The following C1QTNF3 variants were observed in gnomAD, a reference collection of about 807,000 sequenced individuals.
C1QTNF3 encodes the protein complement C1q tumor necrosis factor-related protein 3.
A neutral mutation model predicts 32.6 loss-of-function variants in C1QTNF3; 26 were observed. That is an observed-to-expected ratio of 0.80 (90% CI 0.58 to 1.11). The LOEUF (loss-of-function observed/expected upper bound fraction) is 1.11, where lower values mean the gene tolerates loss of function less well. Ranked by LOEUF, C1QTNF3 falls within the 50% of genes least tolerant of loss-of-function variation. The probability of loss-of-function intolerance (pLI) is 0.00; values close to 1 mark genes in which losing one functional copy is unlikely to be tolerated. For synonymous variants in C1QTNF3, 155 were observed against 146.0 expected (o/e 1.06, Z -0.44); for missense variants, 362 against 398.2 (o/e 0.91, Z 0.77).
chr5:34,074,873 T>C, the C1QTNF3 span, among the ~76,000 whole-genome samples: 1 of 151,662 alleles, frequency 6.6e-6, no homozygotes, highest in Non-Finnish European at 1.5e-5. Context: ...TAGCAAAGCA[T>C]AAATTATACA....
chr5:34,204,517 CTT>C, the C1QTNF3 span, among the ~76,000 whole-genome samples: 1 of 152,116 alleles, frequency 6.6e-6, no homozygotes, highest in Non-Finnish European at 1.5e-5. Context: ...CATGTTCTCA[CTT>C]ATAACTGGAA....
chr5:34,043,039 C>A lies in C1QTNF3; in HGVS notation c.87G>T (p.Val29=), dbSNP rs765416002. 3.1e-6 allele frequency: 5 copies of A among 1,614,172 alleles called. No individual in the cohort carries two copies. The highest frequency in any genetic ancestry group is 4.2e-6 in the Non-Finnish European group (5 of 1,180,030). ...CCACCACTTTATTAGTTCTTCCGCTCACCTCCATGTATTCATCTTGACACA... is the reference window on the plus strand; with the variant it reads ...CCACCACTTTATTAGTTCTTCCGCTAACCTCCATGTATTCATCTTGACACA... ...FCLCQDEYME[V]SGRTNKVVAR... Residue 29 remains valine, a synonymous_variant, in exon 1 of 6, where the codon GTG becomes GTT. Transcript: ENST00000382065.
At chr5:34,028,582 G>A (rs1364401189) in intron 4 of C1QTNF3, among the ~76,000 whole-genome samples, 172 bp downstream of exon 4, 2 of 151,928 alleles carry the variant, frequency 1.3e-5, no homozygotes, top group Non-Finnish European at 2.9e-5. Context: ...TTGGTTTAAC[G>A]TGAATCAGAA....
At chr5:34,052,003 T>G in the C1QTNF3 span, among the ~76,000 whole-genome samples, 5 of 152,206 alleles carry the variant, frequency 3.3e-5, no homozygotes, top group African/African-American at 1.2e-4. Context: ...GTACTCATGG[T>G]GGCAGGCGCC....
chr5:34,085,213 T>C, the C1QTNF3 span, among the ~76,000 whole-genome samples: 1 of 149,888 alleles, frequency 6.7e-6, no homozygotes, highest in African/African-American at 2.5e-5. Context: ...GCCAGGATGG[T>C]CTCGATCTCC....
chr5:34,108,520 A>G, the C1QTNF3 span, among the ~76,000 whole-genome samples: 2 of 152,108 alleles, frequency 1.3e-5, no homozygotes, highest in East Asian at 3.8e-4. Flanking sequence ...GTATCACAAT[A>G]TTTTTTAAAA....
the C1QTNF3 span, among the ~76,000 whole-genome samples, chr5:34,130,969 T>C: frequency 6.6e-6 from 1 of 152,242 alleles, no homozygotes; most frequent in Non-Finnish European, 1.5e-5. Flanking sequence ...GTTTGTTAAC[T>C]TGATTTATAA....
chr5:34,099,464 G>T, the C1QTNF3 span, among the ~76,000 whole-genome samples: 1 of 151,694 alleles, frequency 6.6e-6, no homozygotes, highest in Non-Finnish European at 1.5e-5. Context: ...AAAACAGTGT[G>T]AAAATGTCAA....
At chr5:34,043,410 T>C (rs1037834996), upstream of C1QTNF3, 8 of 422,734 alleles carry the variant, frequency 1.9e-5, no homozygotes, top group Admixed American at 8.0e-5. Context: ...GGCACGTTTC[T>C]GTTGAAGTGT....
the C1QTNF3 span, among the ~76,000 whole-genome samples, chr5:34,238,937 T>G: frequency 6.6e-6 from 1 of 152,092 alleles, no homozygotes; most frequent in African/African-American, 2.4e-5. Flanking sequence ...AGGCTAGTAG[T>G]AAATATCTCA....
At chr5:34,241,324 T>A in the C1QTNF3 span, among the ~76,000 whole-genome samples, 1 of 151,278 alleles carries the variant, frequency 6.6e-6, no homozygotes, top group African/African-American at 2.4e-5. Flanking sequence ...AGCACCCAAA[T>A]AGGAAGTAAA....
chr5:34,167,993 A>G, the C1QTNF3 span: 13 of 151,924 alleles, frequency 8.6e-5, no homozygotes, highest in Non-Finnish European at 1.8e-4. Context: ...TTAGCTCCCA[A>G]TAAAACATGT....
chr5:34,090,017 TG>T, the C1QTNF3 span, among the ~76,000 whole-genome samples: 1 of 152,228 alleles, frequency 6.6e-6, no homozygotes, highest in African/African-American at 2.4e-5. Flanking sequence ...TTTCCTTATG[TG>T]GTAGCATTAA....
At chr5:34,067,798 T>C in the C1QTNF3 span, among the ~76,000 whole-genome samples, 1 of 152,250 alleles carries the variant, frequency 6.6e-6, no homozygotes, top group Non-Finnish European at 1.5e-5. Context: ...TTGATTATTC[T>C]TGAAGCTGGG....
chr5:34,214,927 C>A, the C1QTNF3 span, among the ~76,000 whole-genome samples: 3 of 152,066 alleles, frequency 2.0e-5, no homozygotes, highest in Non-Finnish European at 4.4e-5. Context: ...TGTAAAATAA[C>A]CTTTAGAGTT....
At chr5:34,203,304 C>G in the C1QTNF3 span, among the ~76,000 whole-genome samples, 1 of 151,978 alleles carries the variant, frequency 6.6e-6, no homozygotes, top group African/African-American at 2.4e-5. Context: ...AAGTAGAAAA[C>G]AAATAGCAAT....
chr5:34,197,709 G>T, the C1QTNF3 span, among the ~76,000 whole-genome samples: 15 of 152,182 alleles, frequency 9.9e-5, no homozygotes, highest in African/African-American at 2.7e-4. Flanking sequence ...TTTAACTTGT[G>T]TTGGAAGGTC....
At chr5:34,116,234 T>C in the C1QTNF3 span, among the ~76,000 whole-genome samples, 2 of 152,186 alleles carry the variant, frequency 1.3e-5, no homozygotes, top group African/African-American at 2.4e-5. Context: ...ATAATTTGTA[T>C]TATTGCAATT....
chr5:34,058,015 T>G, the C1QTNF3 span, among the ~76,000 whole-genome samples: 1 of 152,186 alleles, frequency 6.6e-6, no homozygotes, highest in Non-Finnish European at 1.5e-5. Context: ...TGGACCATCC[T>G]TGACAGAAAA....
Sources: allele counts gnomAD v4.1 joint callset (sites outside exome capture counted in the v4.1 genomes callset), GRCh38; gene constraint gnomAD v4.1.1; transcripts MANE v1.5; gene names NCBI Gene and HGNC (gene_info 2026-07-23, HGNC 2026-07-21).